Variants in MAP3K5 observed in about 807,000 individuals in gnomAD.
MAP3K5 encodes mitogen-activated protein kinase kinase kinase 5.
Under a neutral mutation model 158.7 loss-of-function variants are expected in MAP3K5, and 56 were observed. That is an observed-to-expected ratio of 0.35 (90% CI 0.28 to 0.44). The LOEUF (loss-of-function observed/expected upper bound fraction) is 0.44, where lower values mean the gene tolerates loss of function less well. MAP3K5 is among the 20% of genes least tolerant of loss of function. MAP3K5 has a pLI of 1.00. For synonymous variants in MAP3K5, 579 were observed against 601.7 expected, an observed-to-expected ratio of 0.96 and a Z score of 0.55; for missense variants, 1,294 against 1,674.8, an observed-to-expected ratio of 0.77 and a Z score of 3.97.
intron 3 of MAP3K5, among the ~76,000 whole-genome samples, chr6:136,701,120 ACATGTTTGG>A (rs1414661425): frequency 6.6e-6 from 1 of 152,144 alleles, no homozygotes; most frequent in East Asian, 1.9e-4. Context: ...TTGGTCTGTG[ACATGTTTGG>A]CACTCCAGCC....
chr6:136,620,356 A>T (rs1776746466), intron 15 of MAP3K5, among the ~76,000 whole-genome samples: 1 of 152,130 alleles, frequency 6.6e-6, no homozygotes. Flanking sequence ...ATTCCTTTGT[A>T]CTCCAAACCT....
At chr6:136,566,097 C>T (rs1774095691) in intron 26 of MAP3K5, among the ~76,000 whole-genome samples, 1 of 152,070 alleles carries the variant, frequency 6.6e-6, no homozygotes, top group East Asian at 1.9e-4. Flanking sequence ...GCCGGAAGCC[C>T]TCAGGGACTG....
At chr6:136,758,745 C>T (rs1783612477) in intron 1 of MAP3K5, among the ~76,000 whole-genome samples, 1 of 152,236 alleles carries the variant, frequency 6.6e-6, no homozygotes, top group South Asian at 2.1e-4. Context: ...TATTAGGTAT[C>T]AGTGTATTCT....
chr6:136,674,099 C>T (rs574604109), intron 7 of MAP3K5, among the ~76,000 whole-genome samples: 5 of 151,206 alleles, frequency 3.3e-5, no homozygotes, highest in African/African-American at 7.3e-5. Context: ...CAGAATACAA[C>T]GTAGTGACAT....
At chr6:136,635,636 C>T (rs1410407726) in intron 14 of MAP3K5, among the ~76,000 whole-genome samples, 3 of 150,738 alleles carry the variant, frequency 2.0e-5, no homozygotes, top group Non-Finnish European at 4.4e-5. Context: ...CCCTATAATC[C>T]CAGCACTTTG....
intron 14 of MAP3K5, among the ~76,000 whole-genome samples, chr6:136,625,025 G>A (rs929966414): frequency 1.3e-5 from 2 of 152,188 alleles, no homozygotes; most frequent in African/African-American, 4.8e-5. Context: ...GACTGCAGAA[G>A]CTAGAAATGA....
At chr6:136,619,250 T>G (rs1452455452) in intron 15 of MAP3K5, among the ~76,000 whole-genome samples, 2 of 152,114 alleles carry the variant, frequency 1.3e-5, no homozygotes, top group Non-Finnish European at 2.9e-5. Context: ...TCTGGGTTGA[T>G]CTTGGTATGC....
intron 21 of MAP3K5, among the ~76,000 whole-genome samples, chr6:136,595,723 C>T (rs369606265): frequency 1.1e-4 from 17 of 152,180 alleles, no homozygotes; most frequent in Admixed American, 2.0e-4. Flanking sequence ...AAAATGAAGA[C>T]GGCAATTGGG....
chr6:136,575,785 T>G (rs1583207393), intron 25 of MAP3K5, among the ~76,000 whole-genome samples: 1 of 152,218 alleles, frequency 6.6e-6, no homozygotes, highest in African/African-American at 2.4e-5. Context: ...AGGTACATGA[T>G]GCTGATGTGT....
At chr6:136,558,914 T>C (rs1830375431) in intron 28 of MAP3K5, 38 bp from the exon 29 acceptor site, 3 of 1,037,416 alleles carry the variant, frequency 2.9e-6, no homozygotes, top group East Asian at 2.4e-5. Flanking sequence ...AGATGTTTTA[T>C]ATAACTTTAA....
chr6:136,700,456 T>C (rs1382033601), intron 3 of MAP3K5, among the ~76,000 whole-genome samples: 1 of 151,912 alleles, frequency 6.6e-6, no homozygotes, highest in Non-Finnish European at 1.5e-5. Flanking sequence ...CTATACAGAG[T>C]GGTATCATTA....
chr6:136,559,989 G>A (rs796290435), intron 28 of MAP3K5, among the ~76,000 whole-genome samples: 9 of 152,046 alleles, frequency 5.9e-5, no homozygotes, highest in East Asian at 1.9e-4. Flanking sequence ...TTTCTAAGGC[G>A]GCCCGAAATT....
intron 1 of MAP3K5, among the ~76,000 whole-genome samples, chr6:136,761,689 G>C (rs898549124): frequency 1.3e-5 from 2 of 152,220 alleles, no homozygotes. Flanking sequence ...GAGGGGCTGC[G>C]ATGAGGCAGA....
chr6:136,724,606 C>A (rs1198501332), intron 1 of MAP3K5, among the ~76,000 whole-genome samples: 2 of 152,096 alleles, frequency 1.3e-5, no homozygotes, highest in Non-Finnish European at 2.9e-5. Context: ...CTCTAAACAT[C>A]TAAACAGGAA....
intron 2 of MAP3K5, among the ~76,000 whole-genome samples, chr6:136,710,662 G>T (rs1324691449): frequency 6.6e-6 from 1 of 152,176 alleles, no homozygotes; most frequent in Non-Finnish European, 1.5e-5. Flanking sequence ...AAAGAAGTGG[G>T]AATAGCAGGC....
intron 25 of MAP3K5, among the ~76,000 whole-genome samples, chr6:136,575,704 G>T (rs1289261303): frequency 6.6e-6 from 1 of 152,126 alleles, no homozygotes; most frequent in South Asian, 2.1e-4. Context: ...TTGTGATTAG[G>T]TTGAGGTTGT....
At position 136,613,067 on chromosome 6, in the gene MAP3K5, A is replaced by G; in HGVS notation, c.2415+53T>C. The G allele has an allele frequency of 1.3e-6, 2 of 1,527,688 alleles. No individual in the cohort carries two copies. Among genetic ancestry groups the G allele is most frequent in the South Asian group, 2.6e-5 (2 of 77,886 alleles). 94.6% of individuals were successfully genotyped at this position (1,527,688 alleles called of 1,614,324 possible). A position where few individuals can be genotyped will look rare whatever the true frequency, so the allele number is the denominator to read the frequency against. ...ACACAATATGACTTTTGCAAGTAAAATAATAACCCAGCAAAGAAAGAACTC... is the reference window on the plus strand; with the variant it reads ...ACACAATATGACTTTTGCAAGTAAAGTAATAACCCAGCAAAGAAAGAACTC... On this transcript the variant is annotated intron_variant, in intron 17 of 29. Coordinates refer to ENST00000359015, the MANE Select transcript of MAP3K5 (RefSeq NM_005923.4). This position sits in a 1 kb window ranked among gnomAD's most constrained non-coding sequence, Gnocchi z 4.0.
At chr6:136,672,719 G>C (rs1779534628) in intron 7 of MAP3K5, among the ~76,000 whole-genome samples, 1 of 151,988 alleles carries the variant, frequency 6.6e-6, no homozygotes, top group African/African-American at 2.4e-5. Flanking sequence ...ACCACATTTT[G>C]GGCTGGGTGC....
intron 1 of MAP3K5, among the ~76,000 whole-genome samples, chr6:136,771,354 C>T (rs1159313193): frequency 6.6e-6 from 1 of 152,114 alleles, no homozygotes; most frequent in Non-Finnish European, 1.5e-5. Context: ...AGAGGTGGGG[C>T]TTGGACACCG....
Sources: gnomAD v4.1 joint callset for allele counts (sites outside exome capture counted in the v4.1 genomes callset) on GRCh38, gnomAD v4.1.1 for gene constraint, Gnocchi (gnomAD v3.1) non-coding constraint, MANE v1.5 for transcripts, NCBI Gene and HGNC (gene_info 2026-07-23, HGNC 2026-07-21) for gene names.